The following ASCC3 variants were observed in gnomAD, a reference collection of about 807,000 sequenced individuals.
The protein encoded by ASCC3 is activating signal cointegrator 1 complex subunit 3.
Under a neutral mutation model 256.3 loss-of-function variants are expected in ASCC3, and 158 were observed. The observed-to-expected ratio is 0.62, with a 90% CI of 0.54 to 0.70. ASCC3 has a LOEUF of 0.70. ASCC3 is among the 30% of genes least tolerant of loss of function. The pLI, the probability that ASCC3 is intolerant of heterozygous loss-of-function variation, is 0.00. For synonymous variants in ASCC3, 948 were observed against 883.4 expected (o/e 1.07, Z -1.30); for missense variants, 2,259 against 2,626.0 (o/e 0.86, Z 3.05).
rs1382187660 is a variant in ASCC3 at position 100,848,371 on chromosome 6, C to T, written c.578G>A (p.Ser193Asn). 6.2e-7 allele frequency: 1 copy of T among 1,613,836 alleles called. No individual in the cohort carries two copies. The highest frequency in any genetic ancestry group is 2.2e-5 in the East Asian group (1 of 44,862). Residue 193 changes from serine to asparagine, a missense_variant, in exon 4 of 42, where the codon AGC becomes AAC. Coordinates refer to ENST00000369162, the MANE Select transcript of ASCC3 (RefSeq NM_006828.4). ...PINGETQKTI[S>N]LDYKKFLNEH... The stretch of plus-strand genomic sequence containing the variant: ...ATTCAGAAACTTCTTATAATCTAGG[C>T]TTATAGTTTTCTGAGTTTCACCATT...
intron 30 of ASCC3, among the ~76,000 whole-genome samples, chr6:100,622,794 G>C (rs1310690746): frequency 6.6e-6 from 1 of 151,842 alleles, no homozygotes; most frequent in Non-Finnish European, 1.5e-5. Flanking sequence ...TAGCCTTGTG[G>C]ATAAAGTTTT....
chr6:100,691,991 C>T (rs1244776814), intron 13 of ASCC3, among the ~76,000 whole-genome samples: 3 of 151,978 alleles, frequency 2.0e-5, no homozygotes, highest in Non-Finnish European at 4.4e-5. Flanking sequence ...ACTAGGAAGA[C>T]ACCTGGCACA....
intron 40 of ASCC3, among the ~76,000 whole-genome samples, chr6:100,510,507 G>A (rs982894617): frequency 6.6e-6 from 1 of 151,906 alleles, no homozygotes; most frequent in South Asian, 2.1e-4. Flanking sequence ...CACCAAAAAC[G>A]AATGCTTAAG....
intron 36 of ASCC3, among the ~76,000 whole-genome samples, chr6:100,582,509 A>G (rs1036322371): frequency 4.6e-5 from 7 of 151,998 alleles, no homozygotes; most frequent in African/African-American, 1.4e-4. Context: ...GGTTTTCTAG[A>G]TATACAATCA....
At chr6:100,788,430 C>T (rs918019882) in intron 8 of ASCC3, among the ~76,000 whole-genome samples, 5 of 151,910 alleles carry the variant, frequency 3.3e-5, no homozygotes, top group South Asian at 4.1e-4. Context: ...AAGATAAGTA[C>T]ATATTTACTA....
intron 20 of ASCC3, among the ~76,000 whole-genome samples, chr6:100,649,685 T>G (rs1775559336): frequency 1.3e-5 from 2 of 151,730 alleles, no homozygotes; most frequent in South Asian, 4.1e-4. Context: ...AGTCTTTCTT[T>G]GAACAAAATT....
Position 100,638,724 on chromosome 6 carries a change from T to C in ASCC3, c.3999A>G (p.Gln1333=). The C allele has an allele frequency of 6.2e-7, 1 of 1,614,096 alleles. No individual in the cohort carries two copies. The highest frequency in any genetic ancestry group is 1.1e-5 in the South Asian group (1 of 91,080). Residue 1333 remains glutamine, a synonymous_variant, in exon 25 of 42, where the codon CAA becomes CAG. Coordinates refer to ENST00000369162, the MANE Select transcript of ASCC3 (RefSeq NM_006828.4). ...NFSHFNPVQT[Q]IFHTLYHTDC... ...CCGTGTGATACAATGTATGAAATATTTGTGTCTGTACAGGGTTAAAGTGGC... is the reference window on the plus strand; with the variant it reads ...CCGTGTGATACAATGTATGAAATATCTGTGTCTGTACAGGGTTAAAGTGGC...
chr6:100,558,965 T>C (rs939184201), intron 36 of ASCC3, among the ~76,000 whole-genome samples: 1 of 152,148 alleles, frequency 6.6e-6, no homozygotes, highest in African/African-American at 2.4e-5. Flanking sequence ...AGATATACAT[T>C]GAGAATTGAG....
chr6:100,517,883 G>A (rs998048092), intron 38 of ASCC3, 108 bp downstream of exon 38: 2 of 1,232,544 alleles, frequency 1.6e-6, no homozygotes. Flanking sequence ...TATTTTCCAT[G>A]TCAATAATCA....
In ASCC3 at chr6:100,644,093, C is replaced by T. The variant is rs1395427541; in HGVS notation, c.3670G>A (p.Val1224Ile). Residue 1224 changes from valine to isoleucine, a missense_variant, in exon 23 of 42, where the codon GTA (valine) becomes ATA (isoleucine). By Grantham distance (29) the Val-to-Ile change is conservative. Coordinates refer to ENST00000369162, the MANE Select transcript of ASCC3 (RefSeq NM_006828.4). ...GTVGEPWWIW[V>I]EDPTNDHIYH... ...ATATGATCATTTGTAGGATCTTCTA[C>T]CCAAATCCACCAAGGTTCTCCTACT... 1.2e-6 allele frequency: 2 copies of T among 1,612,554 alleles called. No individual in the cohort carries two copies. Among genetic ancestry groups the T allele is most frequent in the East Asian group, 2.2e-5 (1 of 44,720 alleles).
intron 4 of ASCC3, among the ~76,000 whole-genome samples, chr6:100,810,204 C>A (rs1400649376): frequency 1.1e-4 from 16 of 152,098 alleles, no homozygotes; most frequent in Admixed American, 1.0e-3. Flanking sequence ...CATGCTCTTT[C>A]ACATGTCCAT....
At chr6:100,710,478 G>C (rs865843871) in intron 13 of ASCC3, among the ~76,000 whole-genome samples, 2 of 152,242 alleles carry the variant, frequency 1.3e-5, no homozygotes, top group South Asian at 4.2e-4. Context: ...CATAGTAAGA[G>C]CCTGCCCTCC....
At chr6:100,527,065 A>G (rs967964861) in intron 37 of ASCC3, among the ~76,000 whole-genome samples, 2 of 152,202 alleles carry the variant, frequency 1.3e-5, no homozygotes, top group African/African-American at 4.8e-5. Flanking sequence ...CCTATGATAC[A>G]CTGAGATCTA....
At chr6:100,793,268 A>C (rs1263540964) in intron 8 of ASCC3, among the ~76,000 whole-genome samples, 1 of 152,032 alleles carries the variant, frequency 6.6e-6, no homozygotes, top group Non-Finnish European at 1.5e-5. Context: ...TTTTGATTCA[A>C]TCAAATCATG....
rs1375993121 is a variant in ASCC3, at chr6:100,683,211, G to A, written c.2152-3459C>T. ...AGCCCCAACATTATTTTCCAGATGGGGGTTTTATAATGCTACCAGATTTCT... is the reference window on the plus strand; with the variant it reads ...AGCCCCAACATTATTTTCCAGATGGAGGTTTTATAATGCTACCAGATTTCT... On this transcript the variant is annotated intron_variant, in intron 13 of 41. Coordinates refer to ENST00000369162, the MANE Select transcript of ASCC3 (RefSeq NM_006828.4). 2.0e-5 allele frequency among the ~76,000 whole-genome samples: 3 copies of A among 152,110 alleles called. No individual in the cohort carries two copies. The East Asian group carries it at 5.8e-4, about 29-fold the overall frequency.
chr6:100,814,211 T>A (rs1770630455), intron 4 of ASCC3, among the ~76,000 whole-genome samples: 2 of 152,152 alleles, frequency 1.3e-5, no homozygotes, highest in South Asian at 4.2e-4. Flanking sequence ...GTGGTTTTTG[T>A]CTTTAGTTCT....
intron 4 of ASCC3, among the ~76,000 whole-genome samples, chr6:100,807,421 A>G (rs1259992217): frequency 6.6e-6 from 1 of 151,582 alleles, no homozygotes; most frequent in South Asian, 2.1e-4. Context: ...ATACTTCCGC[A>G]AAGAATTATC....
intron 4 of ASCC3, among the ~76,000 whole-genome samples, chr6:100,833,773 G>A (rs944821897): frequency 1.1e-4 from 17 of 152,152 alleles, no homozygotes; most frequent in African/African-American, 3.9e-4. Flanking sequence ...AGTGAAAGGT[G>A]GCAGGACGCG....
At chr6:100,639,757 G>A (rs1258553268) in intron 24 of ASCC3, among the ~76,000 whole-genome samples, 3 of 152,102 alleles carry the variant, frequency 2.0e-5, no homozygotes, top group Non-Finnish European at 4.4e-5. Flanking sequence ...TAATTACATA[G>A]GTAACTGAGG....
Sources: allele counts gnomAD v4.1 joint callset (sites outside exome capture counted in the v4.1 genomes callset), GRCh38; gene constraint gnomAD v4.1.1; transcripts MANE v1.5; gene names NCBI Gene and HGNC (gene_info 2026-07-23, HGNC 2026-07-21).